EPHB1: variants seen among roughly 807,000 people sequenced by gnomAD.
EPHB1 encodes EPH receptor B1, also known as ephrin type-B receptor 1.
A neutral mutation model predicts 94.4 loss-of-function variants in EPHB1; 30 were observed. That is an observed-to-expected ratio of 0.32 (90% CI 0.24 to 0.43). EPHB1 has a LOEUF of 0.43. EPHB1 is among the 20% of genes least tolerant of loss of function. The pLI, the probability that EPHB1 is intolerant of heterozygous loss-of-function variation, is 1.00. For synonymous variants in EPHB1, 522 were observed against 489.1 expected, an observed-to-expected ratio of 1.07 and a Z score of -0.89; for missense variants, 1,055 against 1,308.3, an observed-to-expected ratio of 0.81 and a Z score of 2.99.
chr3:134,987,767 T>C (rs1934654122), intron 3 of EPHB1, among the ~76,000 whole-genome samples: 1 of 137,804 alleles, frequency 7.3e-6, no homozygotes, highest in African/African-American at 3.2e-5. Flanking sequence ...CAAGACTCTG[T>C]CTTGAAAAAC....
chr3:134,877,213 G>T (rs999465216), intron 1 of EPHB1, among the ~76,000 whole-genome samples: 2 of 152,312 alleles, frequency 1.3e-5, no homozygotes, highest in Admixed American at 6.5e-5. Flanking sequence ...CCACCATTCA[G>T]GGTCACTCCT....
At chr3:135,185,137 C>T (rs1942295928) in intron 10 of EPHB1, among the ~76,000 whole-genome samples, 2 of 152,172 alleles carry the variant, frequency 1.3e-5, no homozygotes, top group African/African-American at 4.8e-5. Context: ...TTCAACATTT[C>T]CAGGAATGGA....
intron 1 of EPHB1, among the ~76,000 whole-genome samples, chr3:134,804,229 G>A (rs533707804): frequency 1.3e-5 from 2 of 152,026 alleles, no homozygotes; most frequent in South Asian, 4.2e-4. Context: ...GAATCATGGT[G>A]GGAGGTGAAA....
At chr3:134,939,086 A>G (rs2039065433) in intron 2 of EPHB1, among the ~76,000 whole-genome samples, 2 of 152,086 alleles carry the variant, frequency 1.3e-5, no homozygotes, top group South Asian at 4.1e-4. Context: ...TATTATCTGC[A>G]TTTCTCTACC....
chr3:135,139,678 G>T (rs912375291), intron 5 of EPHB1, among the ~76,000 whole-genome samples: 2 of 152,192 alleles, frequency 1.3e-5, no homozygotes, highest in African/African-American at 2.4e-5. Flanking sequence ...GAAGTGACTT[G>T]ATGGGGTGCA....
chr3:134,948,463 G>T (rs942163838), intron 2 of EPHB1, among the ~76,000 whole-genome samples: 3 of 147,842 alleles, frequency 2.0e-5, no homozygotes, highest in Admixed American at 2.0e-4. Context: ...CTCCATGGCT[G>T]AAAAAAAAAA....
intron 3 of EPHB1, among the ~76,000 whole-genome samples, chr3:135,059,534 A>T (rs1937435888): frequency 6.6e-6 from 1 of 152,162 alleles, no homozygotes. Flanking sequence ...GGAGAGTGGA[A>T]TGTGAGGCAA....
chr3:135,050,576 C>G lies in EPHB1; in HGVS notation c.806-55872C>G, dbSNP rs191379753. Reference sequence around the variant, plus strand: ...GCATGATAAGGTTTGGATGTTTTGTCCCCTCCAAATCTCATGTTGAAATGT... The same window carrying G: ...GCATGATAAGGTTTGGATGTTTTGTGCCCTCCAAATCTCATGTTGAAATGT... On this transcript the variant is annotated intron_variant, in intron 3 of 15. Transcript: ENST00000398015. Among the ~76,000 whole-genome samples, 138 of 152,190 alleles carry G rather than the reference C, an allele frequency of 9.1e-4. 5 individuals are homozygous for G. Among genetic ancestry groups the G allele is most frequent in the Non-Finnish European group, 4.4e-5 (3 of 68,026 alleles).
chr3:135,016,035 G>T (rs966229516), intron 3 of EPHB1, among the ~76,000 whole-genome samples: 1 of 152,168 alleles, frequency 6.6e-6, no homozygotes, highest in Admixed American at 6.5e-5. Context: ...CAGCACAGAC[G>T]TTGCTCTCAA....
At chr3:134,954,411 C>T (rs1180790678) in intron 3 of EPHB1, among the ~76,000 whole-genome samples, 1 of 152,130 alleles carries the variant, frequency 6.6e-6, no homozygotes, top group East Asian at 1.9e-4. Flanking sequence ...TTGGTGCTCA[C>T]GGAGTGCTGC....
At chr3:134,860,978 G>A (rs2037244438) in intron 1 of EPHB1, among the ~76,000 whole-genome samples, 1 of 152,068 alleles carries the variant, frequency 6.6e-6, no homozygotes, top group East Asian at 1.9e-4. Flanking sequence ...GTTTTACTAT[G>A]TGTGCTTCTC....
chr3:135,168,625 G>A (rs1445251908), intron 9 of EPHB1, among the ~76,000 whole-genome samples: 4 of 152,182 alleles, frequency 2.6e-5, no homozygotes, highest in African/African-American at 7.2e-5. Context: ...TCACCAGGGT[G>A]CCTCCGTATT....
chr3:134,884,309 A>G (rs2037819294), intron 1 of EPHB1, among the ~76,000 whole-genome samples: 1 of 152,222 alleles, frequency 6.6e-6, no homozygotes, highest in East Asian at 1.9e-4. Context: ...TGGGTAATGT[A>G]CTGCTGGAAG....
At chr3:135,143,287 C>T (rs1157772862) in intron 5 of EPHB1, among the ~76,000 whole-genome samples, 2 of 152,136 alleles carry the variant, frequency 1.3e-5, no homozygotes, top group Non-Finnish European at 2.9e-5. Flanking sequence ...TGGAAGCCCG[C>T]CTGTGCAGCC....
intron 1 of EPHB1, among the ~76,000 whole-genome samples, chr3:134,915,099 A>C (rs1363265563): frequency 6.6e-6 from 1 of 152,176 alleles, no homozygotes; most frequent in Non-Finnish European, 1.5e-5. Context: ...CACAGGCCCT[A>C]GTATTTGCTG....
Position 134,986,468 on chromosome 3 carries a change from G to A in EPHB1, c.805+34416G>A, listed in dbSNP as rs376423040. On this transcript the variant is annotated intron_variant, in intron 3 of 15. Coordinates refer to ENST00000398015, the MANE Select transcript of EPHB1 (RefSeq NM_004441.5). The stretch of plus-strand genomic sequence containing the variant: ...GCATGGACCATCCCAGCCAACATGC[G>A]GCTGATTCCAGATGTTAGCTTGAGG... 7.9e-5 allele frequency among the ~76,000 whole-genome samples: 12 copies of A among 152,136 alleles called. No homozygotes were observed. The South Asian group carries it at 1.9e-3, about 24-fold the overall frequency.
chr3:134,924,492 A>G lies in EPHB1; in HGVS notation c.59-1324A>G, dbSNP rs371040813. Among the ~76,000 whole-genome samples the G allele has an allele frequency of 1.4e-4, 21 of 152,382 alleles. No homozygotes were observed. The East Asian group carries it at 1.5e-3, about 11-fold the overall frequency. Reference sequence around the variant, plus strand: ...AAATAAGTATGTGACAAGATGTTTAACACCATTTGCCAGCAAGGAAATGAA... The same window carrying G: ...AAATAAGTATGTGACAAGATGTTTAGCACCATTTGCCAGCAAGGAAATGAA... On this transcript the variant is annotated intron_variant, in intron 1 of 15. Transcript: ENST00000398015.
At chr3:134,876,117 G>A (rs1391998694) in intron 1 of EPHB1, among the ~76,000 whole-genome samples, 2 of 152,150 alleles carry the variant, frequency 1.3e-5, no homozygotes, top group Non-Finnish European at 2.9e-5. Flanking sequence ...TGTGGGATAA[G>A]TGTCATGACT....
At chr3:134,912,856 A>G (rs918947963) in intron 1 of EPHB1, among the ~76,000 whole-genome samples, 2 of 152,212 alleles carry the variant, frequency 1.3e-5, no homozygotes, top group East Asian at 1.9e-4. Context: ...TTATCTGGCT[A>G]TGGCATATTT....
Sources: gnomAD v4.1 joint callset for allele counts (sites outside exome capture counted in the v4.1 genomes callset) on GRCh38, gnomAD v4.1.1 for gene constraint, MANE v1.5 for transcripts, NCBI Gene and HGNC (gene_info 2026-07-23, HGNC 2026-07-21) for gene names.